STK32B: variants seen among roughly 807,000 people sequenced by gnomAD.
STK32B encodes the protein serine/threonine-protein kinase 32B.
A neutral mutation model predicts 52.6 loss-of-function variants in STK32B; 43 were observed. That is an observed-to-expected ratio of 0.82 (90% confidence interval 0.64 to 1.05). The LOEUF is 1.05. Among genes scored for constraint, STK32B ranks in the 50% least tolerant of loss-of-function variants. The pLI, the probability that STK32B is intolerant of heterozygous loss-of-function variation, is 0.00. For synonymous variants in STK32B, 238 were observed against 204.3 expected (o/e 1.17, Z -1.41); for missense variants, 621 against 534.6 (o/e 1.16, Z -1.59).
At chr4:5,096,156 T>C (rs992838884) in intron 1 of STK32B, among the ~76,000 whole-genome samples, 1 of 152,220 alleles carries the variant, frequency 6.6e-6, no homozygotes, top group African/African-American at 2.4e-5. Context: ...GAGCATGTGC[T>C]GTAACATAGT....
intron 4 of STK32B, among the ~76,000 whole-genome samples, chr4:5,367,944 G>T (rs1469753438): frequency 6.6e-6 from 1 of 152,126 alleles, no homozygotes; most frequent in African/African-American, 2.4e-5. Context: ...CTGAGGTGGG[G>T]AGGGGGCTTC....
At position 5,394,621 on chromosome 4, in the gene STK32B, C is replaced by T. The variant is rs1270757904; in HGVS notation, c.435-3586C>T. On this transcript the variant is annotated intron_variant, in intron 4 of 11. Coordinates refer to ENST00000282908, the MANE Select transcript of STK32B (RefSeq NM_018401.3). The surrounding 1 kb of genome is among the most constrained non-coding windows in gnomAD (Gnocchi z 4.2). ...ATCTGCCAGTCTGCCTCTGAGTTCT[C>T]CCTAGCTCCTTTTGAAAGAGCAATG... Among the ~76,000 whole-genome samples, 2 of 152,234 alleles carry T rather than the reference C, an allele frequency of 1.3e-5. No individual in the cohort carries two copies. The highest frequency in any genetic ancestry group is 2.9e-5 in the Non-Finnish European group (2 of 68,044).
At chr4:5,204,563 G>T (rs1474234150) in intron 3 of STK32B, among the ~76,000 whole-genome samples, 1 of 151,984 alleles carries the variant, frequency 6.6e-6, no homozygotes, top group Non-Finnish European at 1.5e-5. Flanking sequence ...TCCGCCTCCT[G>T]AGTTCAAGTG....
rs193224803 is a variant in STK32B, at chr4:5,409,454, T to C, written c.473-7391T>C. Among the ~76,000 whole-genome samples, 214 of 152,278 alleles carry C rather than the reference T, an allele frequency of 1.4e-3. 1 individual carries two copies. The highest frequency in any genetic ancestry group is 0.01 in the East Asian group (52 of 5,186). ...TACTGTGAGATAGAAAGGAAGTGTA[T>C]TAGTCAGGGAGCCTTGGCTCTGCAG... On this transcript the variant is annotated intron_variant, in intron 5 of 11. Coordinates refer to ENST00000282908, the MANE Select transcript of STK32B (RefSeq NM_018401.3).
At chr4:5,102,248 C>A (rs1713827152) in intron 1 of STK32B, among the ~76,000 whole-genome samples, 1 of 152,162 alleles carries the variant, frequency 6.6e-6, no homozygotes. Context: ...AGTAAACAAT[C>A]CTGGGCTCTT....
At chr4:5,482,355 T>C (rs953400323) in intron 11 of STK32B, among the ~76,000 whole-genome samples, 13 of 152,224 alleles carry the variant, frequency 8.5e-5, no homozygotes, top group Non-Finnish European at 1.8e-4. Flanking sequence ...CAATTGTGAA[T>C]GGGAGTTCAC....
At chr4:5,175,116 G>T (rs143288194) in intron 3 of STK32B, among the ~76,000 whole-genome samples, 3 of 151,962 alleles carry the variant, frequency 2.0e-5, no homozygotes, top group Non-Finnish European at 4.4e-5. Context: ...TTGTGCATTC[G>T]TCACGTAGTT....
At chr4:5,085,390 A>G (rs1044279928) in intron 1 of STK32B, among the ~76,000 whole-genome samples, 1 of 152,234 alleles carries the variant, frequency 6.6e-6, no homozygotes, top group African/African-American at 2.4e-5. Context: ...AAGGATTCTG[A>G]TAAATTGTGC....
intron 11 of STK32B, among the ~76,000 whole-genome samples, chr4:5,493,962 G>C (rs1202545261): frequency 6.6e-6 from 1 of 152,244 alleles, no homozygotes; most frequent in Non-Finnish European, 1.5e-5. Flanking sequence ...TATAATTTCT[G>C]ATCTTCTACA....
At chr4:5,351,327 A>C (rs1733809531) in intron 4 of STK32B, among the ~76,000 whole-genome samples, 2 of 152,118 alleles carry the variant, frequency 1.3e-5, no homozygotes, top group African/African-American at 4.8e-5. Context: ...AAACTATACA[A>C]ATGCATGGAA....
chr4:5,443,383 C>G (rs1483610084), intron 6 of STK32B, among the ~76,000 whole-genome samples: 1 of 151,954 alleles, frequency 6.6e-6, no homozygotes, highest in African/African-American at 2.4e-5. Context: ...ACCCTTTTTC[C>G]AGTTGATCGC....
intron 3 of STK32B, among the ~76,000 whole-genome samples, chr4:5,176,377 G>A (rs901957461): frequency 2.1e-4 from 32 of 151,824 alleles, no homozygotes; most frequent in African/African-American, 6.8e-4. Flanking sequence ...AGAAATCACC[G>A]GTCTTCTGCG....
chr4:5,356,813 A>G (rs554778430), intron 4 of STK32B, among the ~76,000 whole-genome samples: 3 of 152,128 alleles, frequency 2.0e-5, no homozygotes, highest in Non-Finnish European at 4.4e-5. Context: ...TCTGGCCAAC[A>G]TGGTGAAAAC....
At chr4:5,101,214 T>C (rs1338050000) in intron 1 of STK32B, among the ~76,000 whole-genome samples, 1 of 152,126 alleles carries the variant, frequency 6.6e-6, no homozygotes, top group Non-Finnish European at 1.5e-5. Context: ...GAGGACAAGA[T>C]TTTTTTCAGC....
chr4:5,276,231 G>A (rs931478384), intron 3 of STK32B, among the ~76,000 whole-genome samples: 1 of 152,112 alleles, frequency 6.6e-6, no homozygotes, highest in African/African-American at 2.4e-5. Flanking sequence ...AGAGGTTTCA[G>A]TGAGCCAAGA....
chr4:5,364,090 A>ACC (rs33993400), intron 4 of STK32B, among the ~76,000 whole-genome samples: 114 of 149,476 alleles, frequency 7.6e-4, no homozygotes, highest in African/African-American at 2.6e-3. Context: ...ACATTCACTG[A>ACC]CCCCCCCCAC....
In STK32B at chr4:5,400,087, G is replaced by A. The variant is rs964933559; in HGVS notation, c.472+1843G>A. On this transcript the variant is annotated intron_variant, in intron 5 of 11. Transcript: ENST00000282908. The surrounding 1 kb of genome is among the most constrained non-coding windows in gnomAD (Gnocchi z 6.1). ...CAGACAGAAACATCAATAGCAATAA[G>A]CTAGCCATTGCACTGATGAGGAAAA... Among the ~76,000 whole-genome samples the A allele has an allele frequency of 6.6e-6, 1 of 152,178 alleles. No homozygotes were observed. The highest frequency in any genetic ancestry group is 1.5e-5 in the Non-Finnish European group (1 of 68,026).
rs1734440486 is a variant in STK32B at position 5,359,976 on chromosome 4, A to G, written c.434+28583A>G. Among the ~76,000 whole-genome samples, 4 of 152,238 alleles carry G rather than the reference A, an allele frequency of 2.6e-5. No homozygotes were observed. In the South Asian group the frequency reaches 8.3e-4, roughly 31 times the overall value. ...CAATCTATGCTTTCGATAGAGGAGC[A>G]CACTGGCTGCTTTTTAGAGGATCAT... On this transcript the variant is annotated intron_variant, in intron 4 of 11. Transcript: ENST00000282908.
chr4:5,274,607 T>A (rs1334016837), intron 3 of STK32B, among the ~76,000 whole-genome samples: 1 of 152,142 alleles, frequency 6.6e-6, no homozygotes, highest in African/African-American at 2.4e-5. Context: ...CAATCATCTA[T>A]TGTCTGAGAG....
Sources: gnomAD v4.1 joint callset for allele counts (sites outside exome capture counted in the v4.1 genomes callset) on GRCh38, gnomAD v4.1.1 for gene constraint, Gnocchi (gnomAD v3.1) non-coding constraint, MANE v1.5 for transcripts, NCBI Gene and HGNC (gene_info 2026-07-23, HGNC 2026-07-21) for gene names.